DDAH1: variants seen among roughly 807,000 people sequenced by gnomAD.
DDAH1 encodes dimethylarginine dimethylaminohydrolase 1, also known as N(G),N(G)-dimethylarginine dimethylaminohydrolase 1.
Under a neutral mutation model 28.8 loss-of-function variants are expected in DDAH1, and 19 were observed. The ratio of observed to expected loss-of-function variants is 0.66; its 90% confidence interval spans 0.46 to 0.97. DDAH1 has a LOEUF of 0.97. DDAH1 is among the 50% of genes least tolerant of loss of function. DDAH1 has a pLI of 0.00. For missense variants in DDAH1, 326 were observed against 375.9 expected, an observed-to-expected ratio of 0.87 and a Z score of 1.10; for synonymous variants, 153 against 154.4, an observed-to-expected ratio of 0.99 and a Z score of 0.07.
At chr1:85,518,218 G>T (rs1657542455) in intron 1 of DDAH1, among the ~76,000 whole-genome samples, 2 of 152,180 alleles carry the variant, frequency 1.3e-5, no homozygotes, top group Non-Finnish European at 2.9e-5. Flanking sequence ...AGTTGTGGCT[G>T]CTTGTATTCA....
chr1:85,455,768 GTTT>G (rs1654855954), intron 1 of DDAH1, among the ~76,000 whole-genome samples: 1 of 152,114 alleles, frequency 6.6e-6, no homozygotes, highest in African/African-American at 2.4e-5. Flanking sequence ...TATTTCAATG[GTTT>G]TTATTTAAAG....
chr1:85,463,399 A>G (rs1489530061), intron 1 of DDAH1, among the ~76,000 whole-genome samples: 1 of 152,256 alleles, frequency 6.6e-6, no homozygotes, highest in Non-Finnish European at 1.5e-5. Context: ...AGTTCAAACC[A>G]TAGCTCTGCC....
At chr1:85,470,997 T>C (rs1655599149) in intron 2 of DDAH1, among the ~76,000 whole-genome samples, 1 of 152,190 alleles carries the variant, frequency 6.6e-6, no homozygotes, top group South Asian at 2.1e-4. Context: ...AAGACCCGTG[T>C]TTCACCATTT....
chr1:85,438,315 T>A (rs1464699221), intron 1 of DDAH1, among the ~76,000 whole-genome samples: 29 of 152,176 alleles, frequency 1.9e-4, no homozygotes, highest in Non-Finnish European at 1.5e-5. Context: ...ATGGACCCCC[T>A]GAACCTAAAA....
intron 1 of DDAH1, among the ~76,000 whole-genome samples, chr1:85,501,244 T>C (rs1193170651): frequency 6.6e-6 from 1 of 152,230 alleles, no homozygotes; most frequent in East Asian, 1.9e-4. Flanking sequence ...TTTTAAACTT[T>C]ATTTGGATGA....
chr1:85,327,481 T>A (rs1647481218), intron 4 of DDAH1, among the ~76,000 whole-genome samples: 2 of 152,234 alleles, frequency 1.3e-5, no homozygotes, highest in African/African-American at 4.8e-5. Flanking sequence ...AGATAATTGC[T>A]ACAAAGTTCC....
At chr1:85,380,460 G>C (rs1044297825) in intron 1 of DDAH1, 3 of 152,268 alleles carry the variant, frequency 2.0e-5, no homozygotes, top group African/African-American at 7.2e-5. Context: ...TCAGATTCTT[G>C]GTCCCTGGCA....
chr1:85,399,824 G>C (rs891074987), intron 1 of DDAH1: 1 of 151,980 alleles, frequency 6.6e-6, no homozygotes, highest in Non-Finnish European at 1.5e-5. Context: ...TCTGTTTTTT[G>C]TTCTTCATTT....
At chr1:85,391,303 A>G (rs181036981) in intron 1 of DDAH1, among the ~76,000 whole-genome samples, 39 of 152,276 alleles carry the variant, frequency 2.6e-4, no homozygotes, top group African/African-American at 8.7e-4. Flanking sequence ...AAGACCTCCA[A>G]ATATTTTCTG....
At chr1:85,440,302 G>T (rs1352176212) in intron 1 of DDAH1, among the ~76,000 whole-genome samples, 1 of 152,016 alleles carries the variant, frequency 6.6e-6, no homozygotes, top group Admixed American at 6.6e-5. Flanking sequence ...TTTTTAGCGG[G>T]GTGAGCCCTG....
At position 85,321,289 on chromosome 1, in the gene DDAH1, G is replaced by C; in HGVS notation, c.*163C>G. The C allele has an allele frequency of 3.4e-6, 2 of 593,932 alleles. No individual in the cohort carries two copies. The highest frequency in any genetic ancestry group is 5.4e-5 in the Admixed American group (2 of 36,708). 36.8% of individuals were successfully genotyped at this position (593,932 alleles called of 1,614,324 possible). A position where few individuals can be genotyped will look rare whatever the true frequency, so the allele number is the denominator to read the frequency against. Reference sequence around the variant, plus strand: ...AGGTACCACCTCGAGGGGAGGGAGGGTGGGGGTGTTGAATGAAGCAATTCA... The same window carrying C: ...AGGTACCACCTCGAGGGGAGGGAGGCTGGGGGTGTTGAATGAAGCAATTCA... On this transcript the variant is annotated 3_prime_UTR_variant, in exon 6 of 6. Coordinates refer to ENST00000284031, the MANE Select transcript of DDAH1 (RefSeq NM_012137.4).
intron 1 of DDAH1, among the ~76,000 whole-genome samples, chr1:85,514,036 A>C (rs1657352151): frequency 6.6e-6 from 1 of 152,226 alleles, no homozygotes; most frequent in Non-Finnish European, 1.5e-5. Flanking sequence ...GCATGCTACT[A>C]TAAAGACACA....
intron 5 of DDAH1, among the ~76,000 whole-genome samples, chr1:85,324,229 C>T (rs572102719): frequency 3.4e-5 from 5 of 149,060 alleles, no homozygotes; most frequent in South Asian, 2.1e-4. Flanking sequence ...AAGATCGTGC[C>T]GCAGCACTCC....
chr1:85,375,114 C>G (rs1008681677), intron 1 of DDAH1, among the ~76,000 whole-genome samples: 2 of 152,158 alleles, frequency 1.3e-5, no homozygotes, highest in East Asian at 3.9e-4. Context: ...CATGAATCAA[C>G]CAGAGATAGA....
chr1:85,344,315 C>T (rs1197074608), intron 4 of DDAH1, among the ~76,000 whole-genome samples: 2 of 152,036 alleles, frequency 1.3e-5, no homozygotes, highest in South Asian at 4.2e-4. Context: ...TAAATATACA[C>T]AAATGTAATA....
At chr1:85,504,857 C>A (rs1656954400) in intron 1 of DDAH1, among the ~76,000 whole-genome samples, 1 of 150,994 alleles carries the variant, frequency 6.6e-6, no homozygotes, top group African/African-American at 2.4e-5. Context: ...GTTAAAAATA[C>A]AAATACCTAT....
chr1:85,507,357 G>A (rs965607527), intron 1 of DDAH1, among the ~76,000 whole-genome samples: 24 of 152,044 alleles, frequency 1.6e-4, no homozygotes, highest in Admixed American at 1.6e-3. Flanking sequence ...ACAAAAATTA[G>A]CCAGGTGTGC....
chr1:85,463,992 T>C (rs1655239024), intron 1 of DDAH1, among the ~76,000 whole-genome samples: 1 of 152,184 alleles, frequency 6.6e-6, no homozygotes. Flanking sequence ...AGAAAAACTC[T>C]CTTAATTGCT....
intron 1 of DDAH1, among the ~76,000 whole-genome samples, chr1:85,406,652 G>A (rs1652419737): frequency 6.6e-6 from 1 of 152,150 alleles, no homozygotes; most frequent in Non-Finnish European, 1.5e-5. Flanking sequence ...TGGAATGGCT[G>A]AATCAGGCAT....
Sources: gnomAD v4.1 joint callset for allele counts (sites outside exome capture counted in the v4.1 genomes callset) on GRCh38, gnomAD v4.1.1 for gene constraint, MANE v1.5 for transcripts, NCBI Gene and HGNC (gene_info 2026-07-23, HGNC 2026-07-21) for gene names.